Variants in CELF2 observed in about 807,000 individuals in gnomAD.
The protein encoded by CELF2 is CUGBP Elav-like family member 2, also known as CUG triplet repeat RNA-binding protein 2.
In CELF2, 8 loss-of-function variants were observed where a neutral mutation model predicts 62.6. The observed-to-expected ratio is 0.13, with a 90% CI of 0.07 to 0.23. The LOEUF (loss-of-function observed/expected upper bound fraction) is 0.23. Among genes scored for constraint, CELF2 ranks in the 10% least tolerant of loss-of-function variants. The pLI, the probability that CELF2 is intolerant of heterozygous loss-of-function variation, is 1.00. For missense variants in CELF2, 333 were observed against 671.0 expected, an observed-to-expected ratio of 0.50 and a Z score of 5.56; for synonymous variants, 258 against 250.0, an observed-to-expected ratio of 1.03 and a Z score of -0.30.
At chr10:11,170,454 G>A (rs144047013) in intron 2 of CELF2, among the ~76,000 whole-genome samples, 328 of 152,240 alleles carry the variant, frequency 2.2e-3, no homozygotes, top group Non-Finnish European at 2.9e-3. Context: ...GGGAGAGGCC[G>A]GTCACACTTA....
At chr10:10,476,681 T>C in the CELF2 span, among the ~76,000 whole-genome samples, 5 of 152,116 alleles carry the variant, frequency 3.3e-5, no homozygotes, top group African/African-American at 1.2e-4. Context: ...GGTGGGAAAA[T>C]ATAAATTTAT....
the CELF2 span, among the ~76,000 whole-genome samples, chr10:10,593,870 T>C: frequency 6.6e-6 from 1 of 152,188 alleles, no homozygotes. Flanking sequence ...AGTTTTCCCA[T>C]CTGTGAAGTG....
intron 1 of CELF2, among the ~76,000 whole-genome samples, chr10:10,852,456 G>A (rs182472287): frequency 1.4e-4 from 22 of 152,298 alleles, no homozygotes; most frequent in Admixed American, 1.4e-3. Context: ...AAGGGGCATG[G>A]GAGAAAGGTG....
At chr10:11,225,462 C>T (rs1565408002) in intron 3 of CELF2, among the ~76,000 whole-genome samples, 2 of 152,174 alleles carry the variant, frequency 1.3e-5, no homozygotes, top group Non-Finnish European at 2.9e-5. Context: ...TCCTATTTAA[C>T]GAAAATCTCT....
the CELF2 span, among the ~76,000 whole-genome samples, chr10:10,632,655 T>C: frequency 2.0e-5 from 3 of 152,194 alleles, no homozygotes; most frequent in South Asian, 2.1e-4. Context: ...AAATCTTCTT[T>C]TTGTTTGTCG....
chr10:11,050,449 A>G (rs1316028948), intron 1 of CELF2, among the ~76,000 whole-genome samples: 1 of 152,226 alleles, frequency 6.6e-6, no homozygotes, highest in Non-Finnish European at 1.5e-5. Flanking sequence ...AGACATTTGT[A>G]TTATTGGAAC....
chr10:11,054,230 A>G (rs1052520189), intron 1 of CELF2, among the ~76,000 whole-genome samples: 5 of 152,232 alleles, frequency 3.3e-5, no homozygotes, highest in African/African-American at 1.2e-4. Context: ...TGGTAATTAC[A>G]GGATACACAG....
chr10:11,006,089 G>A (rs1170387569), intron 1 of CELF2, among the ~76,000 whole-genome samples: 12 of 152,118 alleles, frequency 7.9e-5, no homozygotes, highest in Admixed American at 7.2e-4. Context: ...GGAAGCAGAG[G>A]GAAAATTATG....
At chr10:10,848,829 G>T (rs1417447645) in intron 1 of CELF2, among the ~76,000 whole-genome samples, 3 of 152,108 alleles carry the variant, frequency 2.0e-5, no homozygotes, top group African/African-American at 4.8e-5. Context: ...GTTGTAAGGG[G>T]AGTCTGCTAG....
At chr10:11,067,018 A>G (rs576865651) in intron 1 of CELF2, among the ~76,000 whole-genome samples, 1 of 152,180 alleles carries the variant, frequency 6.6e-6, no homozygotes, top group South Asian at 2.1e-4. Context: ...ATAATGAGGG[A>G]CCTGAATTCG....
the CELF2 span, among the ~76,000 whole-genome samples, chr10:10,544,754 G>A: frequency 5.3e-5 from 8 of 152,152 alleles, no homozygotes; most frequent in African/African-American, 1.9e-4. Flanking sequence ...AGACAGAATA[G>A]CATTTTCCTC....
intron 1 of CELF2, among the ~76,000 whole-genome samples, chr10:10,905,071 T>A (rs1048788771): frequency 3.3e-5 from 5 of 152,204 alleles, no homozygotes; most frequent in African/African-American, 1.2e-4. Context: ...TTCAAACTGA[T>A]TTGACTTCTC....
chr10:10,561,487 A>G, the CELF2 span, among the ~76,000 whole-genome samples: 1 of 152,236 alleles, frequency 6.6e-6, no homozygotes, highest in African/African-American at 2.4e-5. Context: ...TTCTTCATGG[A>G]GTTTACATTT....
rs114362945 is a variant in CELF2 at position 10,970,597 on chromosome 10, T to C, written c.89+50598T>C. 574 of 152,320 alleles carry C rather than the reference T, an allele frequency of 3.8e-3. 6 individuals are homozygous for C. The highest frequency in any genetic ancestry group is 0.013 in the African/African-American group (548 of 41,558). The allele number at this position is 152,320 out of a possible 1,614,324, so 9.4% of individuals were successfully genotyped here. ...CTGCAAAACCTTTAAAATAATTGTT[T>C]CTAAAATATTACCCAAAGCACTGAT... is the stretch of plus-strand genomic sequence containing the variant. On this transcript the variant is annotated intron_variant, in intron 2 of 13. Transcript: ENST00000636488.
chr10:11,130,098 A>G (rs2059390297), intron 1 of CELF2, among the ~76,000 whole-genome samples: 1 of 152,158 alleles, frequency 6.6e-6, no homozygotes, highest in Non-Finnish European at 1.5e-5. Flanking sequence ...GTTTCAAATA[A>G]CATCTTTATT....
the CELF2 span, among the ~76,000 whole-genome samples, chr10:10,593,811 C>A: frequency 6.6e-6 from 1 of 152,184 alleles, no homozygotes; most frequent in South Asian, 2.1e-4. Context: ...GGCTCCACCA[C>A]ATTCCACACA....
chr10:10,781,577 G>A, the CELF2 span, among the ~76,000 whole-genome samples: 3 of 152,186 alleles, frequency 2.0e-5, no homozygotes, highest in Admixed American at 1.3e-4. Context: ...CATGAGAACA[G>A]CACAAGAAAA....
intron 1 of CELF2, among the ~76,000 whole-genome samples, chr10:11,007,459 A>AT (rs1486769448): frequency 1.3e-5 from 2 of 152,132 alleles, no homozygotes; most frequent in African/African-American, 4.8e-5. Context: ...TAAAGTAGAG[A>AT]TTTTTCTATG....
rs1248928207 is a variant in CELF2, at chr10:11,335,175, T to G, written c.*6122T>G. ...GGATGAACCTAAGTCTCGTCCCCAC[T>G]GTCACCCCAAGGCCAGTTATCAAAA... On this transcript the variant is annotated 3_prime_UTR_variant, in exon 13 of 13. Coordinates refer to ENST00000633077, the MANE Select transcript of CELF2 (RefSeq NM_001326342.2). This position sits in a 1 kb window ranked among gnomAD's most constrained non-coding sequence, Gnocchi z 5.0. 6.6e-6 allele frequency: 1 copy of G among 152,420 alleles called. No homozygotes were observed. The highest frequency in any genetic ancestry group is 6.5e-5 in the Admixed American group (1 of 15,280). 9.4% of individuals were successfully genotyped at this position (152,420 alleles called of 1,614,324 possible).
Sources: allele counts gnomAD v4.1 joint callset (sites outside exome capture counted in the v4.1 genomes callset), GRCh38; gene constraint gnomAD v4.1.1; non-coding constraint Gnocchi (gnomAD v3.1); transcripts MANE v1.5; gene names NCBI Gene and HGNC (gene_info 2026-07-23, HGNC 2026-07-21).